The following THOC5 variants were observed in gnomAD, a reference collection of about 807,000 sequenced individuals.
THOC5 encodes Fms-interacting protein.
Under a neutral mutation model 92.9 loss-of-function variants are expected in THOC5, and 43 were observed. The ratio of observed to expected loss-of-function variants is 0.46; its 90% CI spans 0.36 to 0.60. THOC5 has a LOEUF of 0.60. THOC5 is among the 20% of genes least tolerant of loss of function. THOC5 has a pLI of 0.00. For synonymous variants in THOC5, 296 were observed against 320.1 expected, an observed-to-expected ratio of 0.92 and a Z score of 0.80; for missense variants, 659 against 849.4, an observed-to-expected ratio of 0.78 and a Z score of 2.79.
chr22:29,541,893 A>AAAAT (rs2063903112), intron 5 of THOC5, among the ~76,000 whole-genome samples: 9 of 74,156 alleles, frequency 1.2e-4, no homozygotes, highest in African/African-American at 3.5e-4. Context: ...AAAAAAAAAA[A>AAAAT]ATATATATAT....
chr22:29,547,989 G>A (rs571683924), intron 2 of THOC5, among the ~76,000 whole-genome samples: 1 of 152,268 alleles, frequency 6.6e-6, no homozygotes, highest in South Asian at 2.1e-4. Context: ...TTTTTACATG[G>A]CGGCAGCAAA....
Position 29,531,768 on chromosome 22 carries a change from G to A in THOC5, c.847+63C>T, listed in dbSNP as rs2063659532. The A allele has an allele frequency of 2.5e-6, 4 of 1,574,744 alleles. No individual in the cohort carries two copies. The Admixed American group carries it at 7.2e-5, about 28-fold the overall frequency. Reference sequence around the variant, plus strand: ...TCCTGAGCAGGTACTGCTTCCAACTGATTCACTCGGCCACAGCTGCTGCTC... The same window carrying A: ...TCCTGAGCAGGTACTGCTTCCAACTAATTCACTCGGCCACAGCTGCTGCTC... On this transcript the variant is annotated intron_variant, in intron 8 of 19. Transcript: ENST00000490103.
intron 1 of THOC5, among the ~76,000 whole-genome samples, chr22:29,550,036 G>A (rs996637671): frequency 6.6e-6 from 1 of 152,012 alleles, no homozygotes; most frequent in Admixed American, 6.6e-5. Flanking sequence ...CCCTGAGCCT[G>A]GCAGAGTGCT....
Position 29,544,521 on chromosome 22 carries a change from T to C in THOC5, c.179A>G (p.Gln60Arg), listed in dbSNP as rs2063972979. The change falls in exon 3 of 20, where the codon CAG (glutamine) becomes CGG (arginine). Residue 60 changes from glutamine (Q) to arginine (R), a missense_variant. Physicochemically the swap from Gln to Arg is conservative, Grantham distance 43 (BLOSUM62 1). Transcript: ENST00000490103. Reference protein sequence around the residue: ...RDYELYKYTCQELQRLMAEIQ... With the variant: ...RDYELYKYTCRELQRLMAEIQ... ...CTCAGCCATCAGCCTCTGTAGCTCCTGGCAGGTGTACTTGTATAACTCATA... is the reference window on the plus strand; with the variant it reads ...CTCAGCCATCAGCCTCTGTAGCTCCCGGCAGGTGTACTTGTATAACTCATA... The C allele has an allele frequency of 6.2e-7, 1 of 1,614,048 alleles. No homozygotes were observed. The highest frequency in any genetic ancestry group is 1.3e-5 in the African/African-American group (1 of 74,926).
intron 7 of THOC5, 104 bp from the exon 8 acceptor site, chr22:29,532,067 T>TGATAAACTA: frequency 7.2e-7 from 1 of 1,386,968 alleles, no homozygotes; most frequent in East Asian, 2.4e-5. Flanking sequence ...AAGTGATACA[T>TGATAAACTA]GATAAACTAA....
intron 2 of THOC5, among the ~76,000 whole-genome samples, chr22:29,544,825 G>A (rs1022099834): frequency 1.3e-5 from 2 of 152,146 alleles, no homozygotes; most frequent in African/African-American, 4.8e-5. Context: ...TGGTATCAAA[G>A]ATTCAGAATA....
At chr22:29,552,821 T>C (rs532887411) in intron 1 of THOC5, among the ~76,000 whole-genome samples, 13 of 152,142 alleles carry the variant, frequency 8.5e-5, no homozygotes, top group Admixed American at 3.3e-4. Context: ...GGGGAAAAGA[T>C]AGAGAAATCG....
rs2063145299 is a variant in THOC5 at position 29,506,828 on chromosome 22, T to C, written c.*1629A>G. On this transcript the variant is annotated 3_prime_UTR_variant, in exon 20 of 20. Coordinates refer to ENST00000490103, the MANE Select transcript of THOC5 (RefSeq NM_003678.5). Reference sequence around the variant, plus strand: ...TGAAGTACAGTTGATCTCTGAACAATAGTTTGGACTCTGTGGGTCTATTAT... The same window carrying C: ...TGAAGTACAGTTGATCTCTGAACAACAGTTTGGACTCTGTGGGTCTATTAT... 1 of 152,140 alleles carries C rather than the reference T, an allele frequency of 6.6e-6. No homozygotes were observed. The highest frequency in any genetic ancestry group is 2.1e-4 in the South Asian group (1 of 4,826). 9.4% of individuals were successfully genotyped at this position (152,140 alleles called of 1,614,324 possible).
At chr22:29,517,446 T>C (rs1488981637) in intron 15 of THOC5, 80 bp from the exon 16 acceptor site, 4 of 1,275,758 alleles carry the variant, frequency 3.1e-6, no homozygotes, top group Non-Finnish European at 4.5e-6. Context: ...CCTGGGGCTC[T>C]CTGAAGGGCT....
chr22:29,532,937 C>T lies in THOC5; in HGVS notation c.715-974G>A, dbSNP rs569030531. Among the ~76,000 whole-genome samples the T allele has an allele frequency of 7.2e-5, 11 of 152,226 alleles. No homozygotes were observed. In the South Asian group the frequency reaches 2.3e-3, roughly 32 times the overall value. ...AGGTTGCAGTGAGCCAAGATTGTACCACTGCACTCCAGCCTGGGCAAGAGA... is the reference window on the plus strand; with the variant it reads ...AGGTTGCAGTGAGCCAAGATTGTACTACTGCACTCCAGCCTGGGCAAGAGA... On this transcript the variant is annotated intron_variant, in intron 7 of 19. Transcript: ENST00000490103.
At chr22:29,521,398 C>T (rs1419200122) in intron 12 of THOC5, among the ~76,000 whole-genome samples, 2 of 152,198 alleles carry the variant, frequency 1.3e-5, no homozygotes, top group Admixed American at 1.3e-4. Context: ...TCTGATCAAA[C>T]AGACTAGTAC....
chr22:29,545,125 G>A (rs553135785), intron 2 of THOC5: 27 of 419,492 alleles, frequency 6.4e-5, no homozygotes, highest in South Asian at 2.4e-4. Context: ...CTTATGTGGC[G>A]GCGGCAAGAG....
At chr22:29,525,272 T>C (rs1022875336) in intron 12 of THOC5, among the ~76,000 whole-genome samples, 6 of 152,050 alleles carry the variant, frequency 3.9e-5, no homozygotes, top group African/African-American at 1.4e-4. Context: ...TGAGACTGTG[T>C]ATCAACAAAA....
chr22:29,545,721 C>T (rs1452678896), intron 2 of THOC5, among the ~76,000 whole-genome samples: 1 of 152,218 alleles, frequency 6.6e-6, no homozygotes, highest in Non-Finnish European at 1.5e-5. Context: ...GCAGCTCCAC[C>T]CCTGTGGCTT....
intron 1 of THOC5, among the ~76,000 whole-genome samples, chr22:29,551,745 C>G (rs2064149341): frequency 6.7e-6 from 1 of 148,372 alleles, no homozygotes; most frequent in South Asian, 2.1e-4. Flanking sequence ...GATCCCGTTG[C>G]AAAAAAAAAA....
At chr22:29,520,892 T>C in intron 13 of THOC5, 106 bp downstream of exon 13, 2 of 808,204 alleles carry the variant, frequency 2.5e-6, no homozygotes, top group African/African-American at 1.7e-5. Flanking sequence ...TGGTCTTTCC[T>C]ATCCTCTGGG....
rs2063413596 is a variant in THOC5, at chr22:29,520,207, C to A, written c.1278-103G>T. 5.0e-6 allele frequency: 5 copies of A among 1,000,612 alleles called. No homozygotes were observed. In the East Asian group the frequency reaches 1.3e-4, roughly 27 times the overall value. 62.0% of individuals were successfully genotyped at this position (1,000,612 alleles called of 1,614,324 possible). A position where few individuals can be genotyped will look rare whatever the true frequency, so the allele number is the denominator to read the frequency against. On this transcript the variant is annotated intron_variant, in intron 13 of 19. Coordinates refer to ENST00000490103, the MANE Select transcript of THOC5 (RefSeq NM_003678.5). ...TCCCATGCCCCACAAACCATCCAGT[C>A]CTGCAGGTTTGGCCATGTTCACAGC...
chr22:29,536,387 C>A, intron 7 of THOC5: 1 of 487,154 alleles, frequency 2.1e-6, no homozygotes, highest in Non-Finnish European at 3.6e-6. Context: ...GTACGTTACC[C>A]AGAGAAGGCC....
At chr22:29,514,589 T>C (rs2063297301) in intron 17 of THOC5, among the ~76,000 whole-genome samples, 2 of 152,062 alleles carry the variant, frequency 1.3e-5, no homozygotes, top group Admixed American at 1.3e-4. Flanking sequence ...GTGCTGGGAT[T>C]ACACACCTGA....
Sources: allele counts gnomAD v4.1 joint callset (sites outside exome capture counted in the v4.1 genomes callset), GRCh38; gene constraint gnomAD v4.1.1; transcripts MANE v1.5; gene names NCBI Gene and HGNC (gene_info 2026-07-23, HGNC 2026-07-21).